H1-8: variants seen among roughly 807,000 people sequenced by gnomAD.
The protein encoded by H1-8 is histone H1.8.
H1-8 carries 13 observed loss-of-function variants against 19.5 expected under a neutral mutation model. The observed-to-expected ratio is 0.67, with a 90% CI of 0.43 to 1.06. H1-8 has a LOEUF of 1.06. Ranked by LOEUF, H1-8 falls within the 50% of genes least tolerant of loss-of-function variation. H1-8 has a pLI of 0.00. For synonymous variants in H1-8, 193 were observed against 187.6 expected (o/e 1.03, Z -0.24); for missense variants, 432 against 459.8 (o/e 0.94, Z 0.55).
rs748642013 is a variant in H1-8 at position 129,551,364 on chromosome 3, G to A, written c.*24G>A. 6.7e-7 allele frequency: 1 copy of A among 1,488,946 alleles called. No individual in the cohort carries two copies. Among genetic ancestry groups the A allele is most frequent in the Non-Finnish European group, 9.2e-7 (1 of 1,081,938 alleles). 92.2% of individuals were successfully genotyped at this position (1,488,946 alleles called of 1,614,324 possible). On this transcript the variant is annotated 3_prime_UTR_variant, in exon 5 of 5. Transcript: ENST00000324382. ...AGGGCCAGAGGCAGGGGCGGAGAGA[G>A]ACCGAGCCTCTGCCCTAGTTTTTAT...
intron 1 of H1-8, among the ~76,000 whole-genome samples, chr3:129,547,094 G>T (rs2084894140): frequency 6.6e-6 from 1 of 152,210 alleles, no homozygotes; most frequent in Non-Finnish European, 1.5e-5. Context: ...CTACTTGGGA[G>T]GCTGAGGCAG....
Position 129,547,586 on chromosome 3 carries a change from A to G in H1-8, c.284A>G (p.Tyr95Cys), listed in dbSNP as rs1560051633. 1.3e-6 allele frequency: 2 copies of G among 1,560,930 alleles called. No individual in the cohort carries two copies. The highest frequency in any genetic ancestry group is 1.9e-5 in the Admixed American group (1 of 52,870). ...ACAGTGGACGTCCTCCGCTTCAAGT[A>G]CCTGCTGAAGCAGGCGCTGGCCACT... The part of the protein sequence containing the change: ...YPTVDVLRFK[Y>C]LLKQALATGM... The change falls in exon 2 of 5, where the codon TAC becomes TGC. Residue 95 changes from tyrosine (Y) to cysteine (C), a missense_variant. Transcript: ENST00000324382.
chr3:129,545,713 T>C (rs370343324), intron 1 of H1-8, among the ~76,000 whole-genome samples: 4 of 152,344 alleles, frequency 2.6e-5, no homozygotes, highest in South Asian at 4.1e-4. Flanking sequence ...CTGCCTTTTT[T>C]CACTTTGCAT....
rs753974677 is a variant in H1-8 at position 129,546,540 on chromosome 3, CT to C, written c.89-847del. Among the ~76,000 whole-genome samples, 5 of 152,254 alleles carry C rather than the reference CT, an allele frequency of 3.3e-5. No individual in the cohort carries two copies. In the South Asian group the frequency reaches 6.2e-4, roughly 19 times the overall value. ...ATATTTACCTTTAACAGATAAGAGCCTTTTAAAAAGCAATTGTAATACCATT... is the reference window on the plus strand; with the variant it reads ...ATATTTACCTTTAACAGATAAGAGCCTTTAAAAAGCAATTGTAATACCATT... On this transcript the variant is annotated intron_variant, in intron 1 of 4. Coordinates refer to ENST00000324382, the MANE Select transcript of H1-8 (RefSeq NM_153833.3).
chr3:129,549,445 G>A, intron 3 of H1-8, 81 bp downstream of exon 3: 1 of 1,471,584 alleles, frequency 6.8e-7, no homozygotes, highest in Non-Finnish European at 9.0e-7. Context: ...GCCAGCTCTG[G>A]AGAGGGGTTT....
chr3:129,543,403 G>A, intron 1 of H1-8, 97 bp downstream of exon 1: 1 of 890,936 alleles, frequency 1.1e-6, no homozygotes, highest in Non-Finnish European at 1.8e-6. Flanking sequence ...TTCCCAGCCT[G>A]GCCCCAGCAC....
rs2084932480 is a variant in H1-8 at position 129,551,437 on chromosome 3, A to G, written c.*97A>G. 1 of 810,292 alleles carries G rather than the reference A, an allele frequency of 1.2e-6. No individual in the cohort carries two copies. Among genetic ancestry groups the G allele is most frequent in the Non-Finnish European group, 1.9e-6 (1 of 513,124 alleles). The allele number at this position is 810,292 out of a possible 1,614,324, so 50.2% of individuals were successfully genotyped here. A position where few individuals can be genotyped will look rare whatever the true frequency, so the allele number is the denominator to read the frequency against. ...TTTATTTCATTGTAAGCTATTTATC[A>G]ATAAAGACTTTTGTTTCTTTTTCCT... On this transcript the variant is annotated 3_prime_UTR_variant, in exon 5 of 5. Transcript: ENST00000324382.
In H1-8 at chr3:129,550,797, C is replaced by T. The variant is rs1209851121; in HGVS notation, c.795C>T (p.Pro265=). The change falls in exon 4 of 5, where the codon CCC becomes CCT. Residue 265 remains proline (P), a synonymous_variant. Coordinates refer to ENST00000324382, the MANE Select transcript of H1-8 (RefSeq NM_153833.3). ...AAGCTGAGAGTAAGAGTTCAAAACC[C>T]ACGGCCAGCAAGGTAGGTGCCTGCA... ...KTKAESKSSK[P]TASKVKNGAA... 6.2e-7 allele frequency: 1 copy of T among 1,613,502 alleles called. No homozygotes were observed. Among genetic ancestry groups the T allele is most frequent in the Non-Finnish European group, 8.5e-7 (1 of 1,179,646 alleles).
chr3:129,549,948 A>G (rs58700896), intron 3 of H1-8, among the ~76,000 whole-genome samples: 11,322 of 151,956 alleles, frequency 0.075, 1,381 homozygotes, highest in African/African-American at 0.26. Context: ...AGTGACACTC[A>G]GTCTCAAAAC....
At position 129,547,460 on chromosome 3, in the gene H1-8, C is replaced by A. The variant is rs1003258579; in HGVS notation, c.158C>A (p.Pro53His). 11 of 1,549,282 alleles carry A rather than the reference C, an allele frequency of 7.1e-6. No individual in the cohort carries two copies. The Admixed American group carries it at 7.9e-5, about 11-fold the overall frequency. Residue 53 changes from proline (P) to histidine (H), a missense_variant, in exon 2 of 5, where the codon CCC becomes CAC. Coordinates refer to ENST00000324382, the MANE Select transcript of H1-8 (RefSeq NM_153833.3). ...HSSLPVGRRHPPVLRMVLEAL... is the reference protein window; with the variant it reads ...HSSLPVGRRHHPVLRMVLEAL... ...AGCCTCCCGGTGGGACGCCGCCACCCCCCGGTGCTACGCATGGTGCTGGAG... is the reference window on the plus strand; with the variant it reads ...AGCCTCCCGGTGGGACGCCGCCACCACCCGGTGCTACGCATGGTGCTGGAG...
At chr3:129,550,831 C>T (rs368238863) in intron 4 of H1-8, 22 bp downstream of exon 4, 102 of 1,601,046 alleles carry the variant, frequency 6.4e-5, no homozygotes, top group Middle Eastern at 1.7e-4. Context: ...CATGAATTTC[C>T]TGGCCTGGCT....
At chr3:129,547,262 C>A (rs753476580) in intron 1 of H1-8, 129 bp from the exon 2 acceptor site, 1 of 906,244 alleles carries the variant, frequency 1.1e-6, no homozygotes. Context: ...CCCATGCCAG[C>A]GGTCAGTGTC....
At chr3:129,548,946 G>T in intron 2 of H1-8, 55 bp from the exon 3 acceptor site, 1 of 1,537,092 alleles carries the variant, frequency 6.5e-7, no homozygotes. Context: ...CGGGGGGTGG[G>T]GGGCGTGAGG....
intron 2 of H1-8, 137 bp from the exon 3 acceptor site, chr3:129,548,864 G>C: frequency 1.7e-6 from 2 of 1,195,652 alleles, no homozygotes; most frequent in Non-Finnish European, 2.3e-6. Flanking sequence ...CAGTGGCTTC[G>C]TGCCTTCTCC....
chr3:129,543,182 C>A lies in H1-8; in HGVS notation c.-37C>A, dbSNP rs1011710475. ...GTGGGCAGGCCCAGCAGCCTCACAC[C>A]CGGGTGAGGGGTCTGCTGGCTGCAC... On this transcript the variant is annotated 5_prime_UTR_variant, in exon 1 of 5. Coordinates refer to ENST00000324382, the MANE Select transcript of H1-8 (RefSeq NM_153833.3). The A allele has an allele frequency of 7.2e-6, 11 of 1,520,686 alleles. No homozygotes were observed. Among genetic ancestry groups the A allele is most frequent in the African/African-American group, 1.4e-5 (1 of 72,766 alleles). The allele number at this position is 1,520,686 out of a possible 1,614,324, so 94.2% of individuals were successfully genotyped here.
rs186729238 is a variant in H1-8, at chr3:129,549,624, G to A, written c.742+260G>A. Among the ~76,000 whole-genome samples the A allele has an allele frequency of 3.0e-3, 453 of 148,656 alleles. 2 individuals carry two copies. The highest frequency in any genetic ancestry group is 0.011 in the African/African-American group (412 of 38,252). On this transcript the variant is annotated intron_variant, in intron 3 of 4. Coordinates refer to ENST00000324382, the MANE Select transcript of H1-8 (RefSeq NM_153833.3). ...GTGGAGGAAGGTGTCTCAAGCAGGG[G>A]AAGGGCCTGTGTAAAGGCCTGGAGG...
At chr3:129,548,717 C>T (rs1040595066) in intron 2 of H1-8, among the ~76,000 whole-genome samples, 1 of 149,410 alleles carries the variant, frequency 6.7e-6, no homozygotes, top group Non-Finnish European at 1.5e-5. Context: ...GGGCATGGGG[C>T]ATGAGGCAGG....
Position 129,551,261 on chromosome 3 carries a change from C to A in H1-8, c.962C>A (p.Ala321Asp). The A allele has an allele frequency of 6.2e-7, 1 of 1,614,068 alleles. No individual in the cohort carries two copies. The highest frequency in any genetic ancestry group is 8.5e-7 in the Non-Finnish European group (1 of 1,179,958). ...GCACATTTGTCCAGGAAGACAGAGG[C>A]CCCCAAGGGCCCTAGAAAGGCTGGG... Reference protein sequence around the residue: ...VPAHLSRKTEAPKGPRKAGLP... With the variant: ...VPAHLSRKTEDPKGPRKAGLP... The change falls in exon 5 of 5, where the codon GCC (alanine) becomes GAC (aspartate). Residue 321 changes from alanine (A) to aspartate (D), a missense_variant. Coordinates refer to ENST00000324382, the MANE Select transcript of H1-8 (RefSeq NM_153833.3).
chr3:129,546,395 C>T (rs575341705), intron 1 of H1-8, among the ~76,000 whole-genome samples: 98 of 152,168 alleles, frequency 6.4e-4, no homozygotes, highest in Non-Finnish European at 1.2e-3. Context: ...CTCCCTTCCA[C>T]TGTACCCGTC....
Sources: allele counts gnomAD v4.1 joint callset (sites outside exome capture counted in the v4.1 genomes callset), GRCh38; gene constraint gnomAD v4.1.1; transcripts MANE v1.5; gene names NCBI Gene and HGNC (gene_info 2026-07-23, HGNC 2026-07-21).